PLEKHG3: variants seen among roughly 807,000 people sequenced by gnomAD.
PLEKHG3 encodes pleckstrin homology domain-containing family G member 3.
PLEKHG3 carries 62 observed loss-of-function variants against 94.9 expected under a neutral mutation model. The ratio of observed to expected loss-of-function variants is 0.65; its 90% CI spans 0.53 to 0.81. The LOEUF is 0.81. Among genes scored for constraint, PLEKHG3 ranks in the 30% least tolerant of loss-of-function variants. The pLI, the probability that PLEKHG3 is intolerant of heterozygous loss-of-function variation, is 0.00. For synonymous variants in PLEKHG3, 614 were observed against 654.0 expected, an observed-to-expected ratio of 0.94 and a Z score of 0.93; for missense variants, 1,461 against 1,619.3, an observed-to-expected ratio of 0.90 and a Z score of 1.68.
At chr14:64,719,821 G>T (rs1253176562) in intron 1 of PLEKHG3, among the ~76,000 whole-genome samples, 5 of 152,200 alleles carry the variant, frequency 3.3e-5, no homozygotes, top group African/African-American at 1.2e-4. Context: ...CGGAAAGATG[G>T]CGAATTTGCA....
Position 64,738,670 on chromosome 14 carries a change from G to A in PLEKHG3, c.1405-72G>A. ...AGCCCCTTGGGGCGTGGGAGGCACTGCCCGTGTTGGGATGCAGAAGGGATC... is the reference window on the plus strand; with the variant it reads ...AGCCCCTTGGGGCGTGGGAGGCACTACCCGTGTTGGGATGCAGAAGGGATC... On this transcript the variant is annotated intron_variant, in intron 14 of 16. Coordinates refer to ENST00000247226, the MANE Select transcript of PLEKHG3 (RefSeq NM_001308147.2). The surrounding 1 kb of genome is among the most constrained non-coding windows in gnomAD (Gnocchi z 4.8). 9.1e-7 allele frequency: 1 copy of A among 1,101,800 alleles called. No homozygotes were observed. The highest frequency in any genetic ancestry group is 1.5e-5 in the African/African-American group (1 of 64,694). 68.3% of individuals were successfully genotyped at this position (1,101,800 alleles called of 1,614,324 possible). A position where few individuals can be genotyped will look rare whatever the true frequency, so the allele number is the denominator to read the frequency against.
rs2081784546 is a variant in PLEKHG3 at position 64,744,256 on chromosome 14, G to T, written c.*553G>T. 6.5e-6 allele frequency: 1 copy of T among 152,956 alleles called. No homozygotes were observed. Among genetic ancestry groups the T allele is most frequent in the South Asian group, 2.1e-4 (1 of 4,848 alleles). The allele number at this position is 152,956 out of a possible 1,614,324, so 9.5% of individuals were successfully genotyped here. A position where few individuals can be genotyped will look rare whatever the true frequency, so the allele number is the denominator to read the frequency against. ...AAGTGGATTCAGTTCAGGTACTTTT[G>T]AGGGTTGTTGTGCTGACCCTGTGGT... On this transcript the variant is annotated 3_prime_UTR_variant, in exon 17 of 17. Transcript: ENST00000247226.
In PLEKHG3 at chr14:64,742,392, G is replaced by T; in HGVS notation, c.2875G>T (p.Asp959Tyr). The change falls in exon 16 of 17, where the codon GAT (aspartate) becomes TAT (tyrosine). Residue 959 changes from aspartate to tyrosine, a missense_variant. Around this residue, in one of 3 missense-constraint regions of PLEKHG3, gnomAD observed 1,201 missense variants for 1,295.5 expected, o/e 0.93. Transcript: ENST00000247226. ...LQWEKVAPERDGKSPTVPCLQ... is the reference protein window; with the variant it reads ...LQWEKVAPERYGKSPTVPCLQ... The stretch of plus-strand genomic sequence containing the variant: ...GTGGGAAAAGGTGGCCCCTGAGAGG[G>T]ATGGGAAGAGCCCCACTGTGCCCTG... 6.2e-7 allele frequency: 1 copy of T among 1,612,804 alleles called. No homozygotes were observed. Among genetic ancestry groups the T allele is most frequent in the Non-Finnish European group, 8.5e-7 (1 of 1,180,026 alleles).
rs777425332 is a variant in PLEKHG3, at chr14:64,742,403, C to T, written c.2886C>T (p.Ser962=). The T allele has an allele frequency of 6.2e-7, 1 of 1,612,536 alleles. No individual in the cohort carries two copies. The highest frequency in any genetic ancestry group is 8.5e-7 in the Non-Finnish European group (1 of 1,179,938). ...EKVAPERDGK[S]PTVPCLQEEA... is the part of the protein sequence containing the mutation. ...TGGCCCCTGAGAGGGATGGGAAGAG[C>T]CCCACTGTGCCCTGTCTACAGGAAG... The change falls in exon 16 of 17, where the codon AGC becomes AGT. Residue 962 remains serine (S), a synonymous_variant. Coordinates refer to ENST00000247226, the MANE Select transcript of PLEKHG3 (RefSeq NM_001308147.2).
At position 64,745,629 on chromosome 14, in the gene PLEKHG3, CTG is replaced by C. The variant is rs1303689676; in HGVS notation, c.*1929_*1930del. On this transcript the variant is annotated 3_prime_UTR_variant, in exon 17 of 17. Transcript: ENST00000247226. The surrounding 1 kb of genome is among the most constrained non-coding windows in gnomAD (Gnocchi z 5.0). The stretch of plus-strand genomic sequence containing the variant: ...AGACTGGCCTGGCAGGAGCCAGTGA[CTG>C]TGGAATGACCACAGAAGATTCAGGG... 3 of 152,310 alleles carry C rather than the reference CTG, an allele frequency of 2.0e-5. No individual in the cohort carries two copies. Among genetic ancestry groups the C allele is most frequent in the Non-Finnish European group, 4.4e-5 (3 of 68,092 alleles). The allele number at this position is 152,310 out of a possible 1,614,324, so 9.4% of individuals were successfully genotyped here. A position where few individuals can be genotyped will look rare whatever the true frequency, so the allele number is the denominator to read the frequency against.
rs2081879502 is a variant in PLEKHG3, at chr14:64,748,246, TC to T, written c.*4546del. 1 of 149,630 alleles carries T rather than the reference TC, an allele frequency of 6.7e-6. No individual in the cohort carries two copies. Among genetic ancestry groups the T allele is most frequent in the Non-Finnish European group, 1.5e-5 (1 of 67,992 alleles). 9.3% of individuals were successfully genotyped at this position (149,630 alleles called of 1,614,324 possible). On this transcript the variant is annotated 3_prime_UTR_variant, in exon 17 of 17. Transcript: ENST00000247226. ...TCTGCCCAGCCATTACCCTCCAAAG[TC>T]CCAGCTGCAGACAGGATGCAATTGA... is the stretch of plus-strand genomic sequence containing the variant.
rs1364290274 is a variant in PLEKHG3, at chr14:64,731,685, G to A, written c.1033-29G>A. The stretch of plus-strand genomic sequence containing the variant: ...TGCTTCCCCAGGCTGTCAACCTTGT[G>A]CTTGACTGTCCTTTCCCTCTGCCCC... On this transcript the variant is annotated intron_variant, in intron 8 of 16. Coordinates refer to ENST00000247226, the MANE Select transcript of PLEKHG3 (RefSeq NM_001308147.2). The surrounding 1 kb of genome is among the most constrained non-coding windows in gnomAD (Gnocchi z 6.1). 3.2e-6 allele frequency: 5 copies of A among 1,578,814 alleles called. No homozygotes were observed. Among genetic ancestry groups the A allele is most frequent in the African/African-American group, 2.7e-5 (2 of 74,132 alleles).
At position 64,717,988 on chromosome 14, in the gene PLEKHG3, G is replaced by A. The variant is rs1404791975; in HGVS notation, c.-39-9605G>A. Among the ~76,000 whole-genome samples, 1 of 152,180 alleles carries A rather than the reference G, an allele frequency of 6.6e-6. No individual in the cohort carries two copies. ...TGTCCTTGGCCTGCCTTGCAGCCTG[G>A]CCTCTTGTTGCCAGTTGCCCGGGGC... is the stretch of plus-strand genomic sequence containing the variant. On this transcript the variant is annotated intron_variant, in intron 1 of 16. Transcript: ENST00000247226. This position sits in a 1 kb window ranked among gnomAD's most constrained non-coding sequence, Gnocchi z 4.7.
At chr14:64,707,743 T>C (rs2080994803) in intron 1 of PLEKHG3, among the ~76,000 whole-genome samples, 1 of 152,216 alleles carries the variant, frequency 6.6e-6, no homozygotes, top group Non-Finnish European at 1.5e-5. Context: ...GCCCAGTTCA[T>C]CCCACTGTGG....
At chr14:64,713,492 A>C (rs1269203203) in intron 1 of PLEKHG3, among the ~76,000 whole-genome samples, 2 of 152,210 alleles carry the variant, frequency 1.3e-5, no homozygotes, top group Non-Finnish European at 1.5e-5. Flanking sequence ...TTTCTTTCTA[A>C]ATCTGTCAGT....
In PLEKHG3 at chr14:64,730,178, G is replaced by A; in HGVS notation, c.450-65G>A. 3 of 857,346 alleles carry A rather than the reference G, an allele frequency of 3.5e-6. No individual in the cohort carries two copies. In the South Asian group the frequency reaches 4.3e-5, roughly 12 times the overall value. The allele number at this position is 857,346 out of a possible 1,614,324, so 53.1% of individuals were successfully genotyped here. ...CAGTCAGGGTTTGGGAGGTTGGGGA[G>A]GGGGCAGTGAGGGGCATTGTCCTCT... On this transcript the variant is annotated intron_variant, in intron 3 of 16. Coordinates refer to ENST00000247226, the MANE Select transcript of PLEKHG3 (RefSeq NM_001308147.2). This position sits in a 1 kb window ranked among gnomAD's most constrained non-coding sequence, Gnocchi z 5.4.
In PLEKHG3 at chr14:64,732,054, TA is replaced by T; in HGVS notation, c.1126-39del. On this transcript the variant is annotated intron_variant, in intron 9 of 16. Coordinates refer to ENST00000247226, the MANE Select transcript of PLEKHG3 (RefSeq NM_001308147.2). The surrounding 1 kb of genome is among the most constrained non-coding windows in gnomAD (Gnocchi z 4.9). ...TCCATGCTAGACAGCTTCAGGCCTG[TA>T]ATGATAACCACTGGGTCCCTTTCCC... 1 of 1,434,188 alleles carries T rather than the reference TA, an allele frequency of 7.0e-7. No homozygotes were observed. Among genetic ancestry groups the T allele is most frequent in the Non-Finnish European group, 9.8e-7 (1 of 1,015,744 alleles). 88.8% of individuals were successfully genotyped at this position (1,434,188 alleles called of 1,614,324 possible).
chr14:64,728,000 T>C lies in PLEKHG3; in HGVS notation c.351+18T>C. On this transcript the variant is annotated intron_variant, in intron 2 of 16. Transcript: ENST00000247226. This position sits in a 1 kb window ranked among gnomAD's most constrained non-coding sequence, Gnocchi z 6.0. ...TCGTGGAGGTGCGTGTCGGAGGCCT[T>C]GCGGCACAGTATTCTAGCAGAAGCC... The C allele has an allele frequency of 1.4e-6, 2 of 1,442,472 alleles. No homozygotes were observed. Among genetic ancestry groups the C allele is most frequent in the Non-Finnish European group, 1.9e-6 (2 of 1,057,134 alleles). The allele number at this position is 1,442,472 out of a possible 1,614,324, so 89.4% of individuals were successfully genotyped here.
chr14:64,749,708 A>G lies in PLEKHG3; in HGVS notation c.*6005A>G. On this transcript the variant is annotated 3_prime_UTR_variant, in exon 17 of 17. Coordinates refer to ENST00000247226, the MANE Select transcript of PLEKHG3 (RefSeq NM_001308147.2). The surrounding 1 kb of genome is among the most constrained non-coding windows in gnomAD (Gnocchi z 4.7). ...TGCCATTACTCAGCCTAGGAGGACA[A>G]AGGGTTTCCTGTCATGGAGACACCT... The G allele has an allele frequency of 6.2e-7, 1 of 1,613,550 alleles. No individual in the cohort carries two copies. The highest frequency in any genetic ancestry group is 8.5e-7 in the Non-Finnish European group (1 of 1,179,840).
intron 14 of PLEKHG3, chr14:64,737,787 C>A (rs978415263): frequency 1.6e-4 from 126 of 767,086 alleles, no homozygotes; most frequent in Admixed American, 3.7e-4. Context: ...GAAGGCTCCC[C>A]CCCCGCAGCT....
Position 64,743,059 on chromosome 14 carries a change from T to C in PLEKHG3, c.3016T>C (p.Ser1006Pro). Residue 1006 changes from serine to proline, a missense_variant, in exon 17 of 17, where the codon TCG becomes CCG. Around this residue, in one of 3 missense-constraint regions of PLEKHG3, gnomAD observed 1,201 missense variants for 1,295.5 expected, o/e 0.93. Coordinates refer to ENST00000247226, the MANE Select transcript of PLEKHG3 (RefSeq NM_001308147.2). This position sits in a 1 kb window ranked among gnomAD's most constrained non-coding sequence, Gnocchi z 7.2. Reference protein sequence around the residue: ...AQEHSPPKPSSAGEMSPQRFF... With the variant: ...AQEHSPPKPSPAGEMSPQRFF... Reference sequence around the variant, plus strand: ...GGAGCACAGCCCTCCCAAGCCCTCCTCGGCTGGGGAGATGTCACCACAGCG... The same window carrying C: ...GGAGCACAGCCCTCCCAAGCCCTCCCCGGCTGGGGAGATGTCACCACAGCG... 1 of 1,613,074 alleles carries C rather than the reference T, an allele frequency of 6.2e-7. No homozygotes were observed. Among genetic ancestry groups the C allele is most frequent in the Non-Finnish European group, 8.5e-7 (1 of 1,179,772 alleles).
chr14:64,714,723 G>A (rs781255422), intron 1 of PLEKHG3, among the ~76,000 whole-genome samples: 33 of 152,186 alleles, frequency 2.2e-4, no homozygotes, highest in Non-Finnish European at 2.9e-5. Context: ...GCGGAGAGGA[G>A]GTGAACAGCT....
Position 64,743,491 on chromosome 14 carries a change from G to T in PLEKHG3, c.3448G>T (p.Gly1150Ter). Residue 1150 changes from glycine to a stop codon, truncating the protein, a stop_gained, in exon 17 of 17, where the codon GGA becomes TGA. Coordinates refer to ENST00000247226, the MANE Select transcript of PLEKHG3 (RefSeq NM_001308147.2). LOFTEE classifies it low-confidence loss of function (END_TRUNC). The surrounding 1 kb of genome is among the most constrained non-coding windows in gnomAD (Gnocchi z 7.2). ...DNRRVIVMEK[G>*]PLPSPTAGLE... ...CCGGCGGGTGATTGTCATGGAGAAG[G>T]GACCCCTTCCCAGCCCCACTGCAGG... is the stretch of plus-strand genomic sequence containing the variant. 1 of 1,613,188 alleles carries T rather than the reference G, an allele frequency of 6.2e-7. No homozygotes were observed. Among genetic ancestry groups the T allele is most frequent in the Non-Finnish European group, 8.5e-7 (1 of 1,179,994 alleles).
chr14:64,704,704 G>C lies in PLEKHG3; in HGVS notation c.-40G>C, dbSNP rs1462278871. On this transcript the variant is annotated splice_region_variant and 5_prime_UTR_variant, in exon 1 of 17. Transcript: ENST00000247226. The surrounding 1 kb of genome is among the most constrained non-coding windows in gnomAD (Gnocchi z 5.6). ...CGAGCCCGCGGGGCAGCTACCGCTC[G>C]GTGAGTGTCCCCTGATTCTCCTCTC... is the stretch of plus-strand genomic sequence containing the variant. 1 of 152,484 alleles carries C rather than the reference G, an allele frequency of 6.6e-6. No homozygotes were observed. Among genetic ancestry groups the C allele is most frequent in the Non-Finnish European group, 1.5e-5 (1 of 68,238 alleles). The allele number at this position is 152,484 out of a possible 1,614,324, so 9.4% of individuals were successfully genotyped here. A position where few individuals can be genotyped will look rare whatever the true frequency, so the allele number is the denominator to read the frequency against.
Sources: gnomAD v4.1 joint callset for allele counts (sites outside exome capture counted in the v4.1 genomes callset) on GRCh38, gnomAD v4.1.1 for gene constraint, gnomAD v4.1.1 regional missense constraint, Gnocchi (gnomAD v3.1) non-coding constraint, MANE v1.5 for transcripts, NCBI Gene and HGNC (gene_info 2026-07-23, HGNC 2026-07-21) for gene names.